THSD7A: variants seen among roughly 807,000 people sequenced by gnomAD.
The protein encoded by THSD7A is thrombospondin type 1 domain containing 7A.
Under a neutral mutation model 231.3 loss-of-function variants are expected in THSD7A, and 96 were observed. That is an observed-to-expected ratio of 0.41 (90% CI 0.35 to 0.49). The LOEUF (loss-of-function observed/expected upper bound fraction) is 0.49. Among genes scored for constraint, THSD7A ranks in the 20% least tolerant of loss-of-function variants. The pLI, the probability that THSD7A is intolerant of heterozygous loss-of-function variation, is 0.05. For synonymous variants in THSD7A, 940 were observed against 743.3 expected, an observed-to-expected ratio of 1.26 and a Z score of -4.30; for missense variants, 2,290 against 2,070.2, an observed-to-expected ratio of 1.11 and a Z score of -2.06.
intron 10 of THSD7A, 135 bp from the exon 11 acceptor site, chr7:11,460,900 T>A: frequency 7.8e-6 from 5 of 638,786 alleles, no homozygotes; most frequent in Non-Finnish European, 1.4e-5. Flanking sequence ...TATCTAAATT[T>A]AATTTAGATC....
intron 3 of THSD7A, among the ~76,000 whole-genome samples, chr7:11,591,045 C>T (rs1273836085): frequency 6.6e-6 from 1 of 151,998 alleles, no homozygotes; most frequent in Non-Finnish European, 1.5e-5. Flanking sequence ...TTTGCTTTGC[C>T]TTTTACAAAA....
intron 1 of THSD7A, among the ~76,000 whole-genome samples, chr7:11,685,397 C>G (rs983605125): frequency 5.3e-5 from 8 of 151,888 alleles, no homozygotes; most frequent in Non-Finnish European, 8.8e-5. Flanking sequence ...AACTAAGGAG[C>G]TTTTGCACAG....
chr7:11,807,487 T>A (rs1784428240), intron 1 of THSD7A, among the ~76,000 whole-genome samples: 1 of 152,090 alleles, frequency 6.6e-6, no homozygotes, highest in South Asian at 2.1e-4. Context: ...AAAGAATATA[T>A]AAAATAAAGT....
chr7:11,716,137 G>C (rs1781128126), intron 1 of THSD7A, among the ~76,000 whole-genome samples: 1 of 151,390 alleles, frequency 6.6e-6, no homozygotes, highest in East Asian at 2.0e-4. Context: ...CATACCTCCT[G>C]CCTTTTCCAT....
In THSD7A at chr7:11,593,423, C is replaced by T; in HGVS notation, c.1102G>A (p.Glu368Lys). 1 of 1,614,042 alleles carries T rather than the reference C, an allele frequency of 6.2e-7. No individual in the cohort carries two copies. Among genetic ancestry groups the T allele is most frequent in the Non-Finnish European group, 8.5e-7 (1 of 1,179,894 alleles). ...CATGTTTTTGAGCAGGGGCTCCACT[C>T]TGACCACTCGGAAACCTGGCACTCT... ...TKECQVSEWS[E>K]WSPCSKTCHD... is the part of the protein sequence containing the mutation. The change falls in exon 3 of 28, where the codon GAG becomes AAG. Residue 368 changes from glutamate (E) to lysine (K), a missense_variant. Physicochemically the swap from Glu to Lys is moderately conservative, Grantham distance 56. Transcript: ENST00000423059.
chr7:11,498,221 C>T (rs1787185624), intron 6 of THSD7A, among the ~76,000 whole-genome samples: 1 of 152,176 alleles, frequency 6.6e-6, no homozygotes, highest in African/African-American at 2.4e-5. Context: ...GACCCACTGG[C>T]TTGGAATCCC....
intron 1 of THSD7A, among the ~76,000 whole-genome samples, chr7:11,798,435 C>T (rs1170977925): frequency 4.6e-5 from 7 of 151,404 alleles, no homozygotes; most frequent in Non-Finnish European, 7.4e-5. Flanking sequence ...TACATCATCG[C>T]ACTCTAGCCT....
intron 4 of THSD7A, among the ~76,000 whole-genome samples, chr7:11,583,744 TA>T (rs1187053894): frequency 3.9e-5 from 6 of 152,188 alleles, no homozygotes; most frequent in Non-Finnish European, 7.3e-5. Context: ...AAGGTATTTT[TA>T]TCTAGAGAGT....
At chr7:11,679,984 G>T (rs1485893576) in intron 1 of THSD7A, among the ~76,000 whole-genome samples, 1 of 151,770 alleles carries the variant, frequency 6.6e-6, no homozygotes, top group Non-Finnish European at 1.5e-5. Context: ...CATGGTACTG[G>T]TACCAAAACA....
chr7:11,582,544 A>G (rs1000174810), intron 4 of THSD7A, among the ~76,000 whole-genome samples: 3 of 152,048 alleles, frequency 2.0e-5, no homozygotes, highest in African/African-American at 7.2e-5. Flanking sequence ...TCTTTAATCA[A>G]TCTTTCTTGG....
intron 9 of THSD7A, among the ~76,000 whole-genome samples, chr7:11,469,446 T>C (rs1397547877): frequency 6.6e-6 from 1 of 152,132 alleles, no homozygotes; most frequent in African/African-American, 2.4e-5. Flanking sequence ...TTCTCTTTCT[T>C]TTATTCCTAT....
rs1477936041 is a variant in THSD7A at position 11,814,790 on chromosome 7, C to T, written c.190+16967G>A. ...CATAAATCCAAATCCATTTTGATGA[C>T]TCTCCCATTAGAGGTATGTAGTCAC... is the stretch of plus-strand genomic sequence containing the variant. On this transcript the variant is annotated intron_variant, in intron 1 of 27. Transcript: ENST00000423059. This position sits in a 1 kb window ranked among gnomAD's most constrained non-coding sequence, Gnocchi z 5.1. Among the ~76,000 whole-genome samples, 1 of 152,122 alleles carries T rather than the reference C, an allele frequency of 6.6e-6. No homozygotes were observed. Among genetic ancestry groups the T allele is most frequent in the East Asian group, 1.9e-4 (1 of 5,186 alleles).
intron 23 of THSD7A, among the ~76,000 whole-genome samples, chr7:11,383,577 T>C (rs1388312210): frequency 6.6e-6 from 1 of 151,990 alleles, no homozygotes. Flanking sequence ...AAGACTGCCA[T>C]TGCTCTAAAC....
At chr7:11,449,391 C>A (rs1785074773) in intron 11 of THSD7A, among the ~76,000 whole-genome samples, 1 of 152,054 alleles carries the variant, frequency 6.6e-6, no homozygotes, top group Non-Finnish European at 1.5e-5. Flanking sequence ...TCAAGATGCT[C>A]AGGTGATCCT....
rs1337252480 is a variant in THSD7A at position 11,407,372 on chromosome 7, G to A, written c.3850C>T (p.Pro1284Ser). ...QMNTSCMVEC[P>S]VNCQLSDWSP... ...CAATCAGAAAGCTGACAGTTCACAG[G>A]GCATTCCACCATGCAGGACGTGTTC... The change falls in exon 20 of 28, where the codon CCT (proline) becomes TCT (serine). Residue 1284 changes from proline (P) to serine (S), a missense_variant. Physicochemically the swap from Pro to Ser is moderately conservative, Grantham distance 74. Coordinates refer to ENST00000423059, the MANE Select transcript of THSD7A (RefSeq NM_015204.3). 2 of 1,613,700 alleles carry A rather than the reference G, an allele frequency of 1.2e-6. No homozygotes were observed. The highest frequency in any genetic ancestry group is 1.3e-5 in the African/African-American group (1 of 75,012).
chr7:11,440,959 G>GA (rs1435625281), intron 13 of THSD7A, among the ~76,000 whole-genome samples: 2 of 152,020 alleles, frequency 1.3e-5, no homozygotes, highest in Non-Finnish European at 2.9e-5. Flanking sequence ...TTTAGTGAAT[G>GA]AAAAAGTCAA....
In THSD7A at chr7:11,814,500, C is replaced by CT. The variant is rs1246104053; in HGVS notation, c.190+17256dup. ...CTCAAGAAGAATGATCTTGAAAGCT[C>CT]TGAAAACTTTCATCATGATTTGGGA... On this transcript the variant is annotated intron_variant, in intron 1 of 27. Transcript: ENST00000423059. The surrounding 1 kb of genome is among the most constrained non-coding windows in gnomAD (Gnocchi z 5.1). 6.6e-6 allele frequency among the ~76,000 whole-genome samples: 1 copy of CT among 152,184 alleles called. No individual in the cohort carries two copies. The highest frequency in any genetic ancestry group is 1.5e-5 in the Non-Finnish European group (1 of 68,030).
chr7:11,576,534 T>C (rs1301414303), intron 4 of THSD7A, among the ~76,000 whole-genome samples: 1 of 152,248 alleles, frequency 6.6e-6, no homozygotes, highest in Non-Finnish European at 1.5e-5. Flanking sequence ...GATTTGATTC[T>C]GATAATGTCA....
intron 1 of THSD7A, among the ~76,000 whole-genome samples, chr7:11,777,719 G>A (rs547585486): frequency 6.6e-6 from 1 of 152,214 alleles, no homozygotes; most frequent in East Asian, 1.9e-4. Flanking sequence ...ATCAGATTCA[G>A]CAACTCCATA....
Sources: gnomAD v4.1 joint callset for allele counts (sites outside exome capture counted in the v4.1 genomes callset) on GRCh38, gnomAD v4.1.1 for gene constraint, Gnocchi (gnomAD v3.1) non-coding constraint, MANE v1.5 for transcripts, NCBI Gene and HGNC (gene_info 2026-07-23, HGNC 2026-07-21) for gene names.